The following TRIM22 variants were observed in gnomAD, a reference collection of about 807,000 sequenced individuals.
TRIM22 encodes tripartite motif containing 22, also known as E3 ubiquitin-protein ligase TRIM22.
A neutral mutation model predicts 53.6 loss-of-function variants in TRIM22; 45 were observed. That is an observed-to-expected ratio of 0.84 (90% CI 0.66 to 1.08). The LOEUF (loss-of-function observed/expected upper bound fraction) is 1.08, where lower values mean the gene tolerates loss of function less well. TRIM22 is among the 50% of genes least tolerant of loss of function. TRIM22 has a pLI of 0.00. For synonymous variants in TRIM22, 225 were observed against 216.6 expected (o/e 1.04, Z -0.34); for missense variants, 616 against 590.9 (o/e 1.04, Z -0.44).
At chr11:5,691,174 G>C (rs771259196) in intron 1 of TRIM22, 6 of 152,224 alleles carry the variant, frequency 3.9e-5, no homozygotes, top group African/African-American at 1.2e-4. Flanking sequence ...CTCAGACACC[G>C]AGGTAAAGAA....
At chr11:5,703,921 T>C (rs897314921) in intron 4 of TRIM22, among the ~76,000 whole-genome samples, 6 of 152,016 alleles carry the variant, frequency 3.9e-5, no homozygotes, top group Non-Finnish European at 7.4e-5. Flanking sequence ...ACCTGAGAAA[T>C]GCAAATCAAA....
intron 4 of TRIM22, among the ~76,000 whole-genome samples, chr11:5,702,173 T>A (rs1444846562): frequency 6.9e-6 from 1 of 145,570 alleles, no homozygotes. Flanking sequence ...ATATTACATA[T>A]ACATAACTAA....
chr11:5,703,809 G>A (rs1853414702), intron 4 of TRIM22, among the ~76,000 whole-genome samples: 1 of 151,856 alleles, frequency 6.6e-6, no homozygotes, highest in Non-Finnish European at 1.5e-5. Context: ...AGAAAACAAA[G>A]AACCCCATTA....
At chr11:5,691,022 C>T (rs921089534) in intron 1 of TRIM22, 2 of 152,222 alleles carry the variant, frequency 1.3e-5, no homozygotes, top group Admixed American at 6.5e-5. Flanking sequence ...GGAGAGAGGC[C>T]GCAGGACGGG....
chr11:5,698,229 A>T (rs1252851196), intron 3 of TRIM22, 86 bp from the exon 4 acceptor site: 2 of 1,097,522 alleles, frequency 1.8e-6, no homozygotes, highest in African/African-American at 3.1e-5. Context: ...CCTGAGGAAA[A>T]CTGTTCTTAT....
chr11:5,693,283 C>A (rs927628712), intron 1 of TRIM22, among the ~76,000 whole-genome samples: 3 of 151,020 alleles, frequency 2.0e-5, no homozygotes, highest in Non-Finnish European at 4.4e-5. Flanking sequence ...AGCTACGGAC[C>A]TAGTTAGCCT....
intron 3 of TRIM22, 113 bp from the exon 4 acceptor site, chr11:5,698,202 A>G: frequency 3.6e-6 from 3 of 837,650 alleles, no homozygotes; most frequent in South Asian, 3.3e-5. Context: ...TTTGCCTCCT[A>G]TTCCTTTTGA....
At chr11:5,703,396 T>A (rs1422696618) in intron 4 of TRIM22, among the ~76,000 whole-genome samples, 1 of 151,972 alleles carries the variant, frequency 6.6e-6, no homozygotes, top group African/African-American at 2.4e-5. Flanking sequence ...TTTTTTCTTT[T>A]TTTTTTTGAG....
chr11:5,692,478 C>G (rs1030709259), intron 1 of TRIM22, among the ~76,000 whole-genome samples: 1 of 152,176 alleles, frequency 6.6e-6, no homozygotes, highest in Non-Finnish European at 1.5e-5. Context: ...AGGGTCATTA[C>G]TTGGGGAAAA....
chr11:5,705,089 A>G (rs576821775), intron 4 of TRIM22, among the ~76,000 whole-genome samples: 1 of 152,234 alleles, frequency 6.6e-6, no homozygotes, highest in Non-Finnish European at 1.5e-5. Flanking sequence ...TGGTTAAAGT[A>G]GACAAAATTA....
At chr11:5,706,305 T>C (rs1055327042) in intron 4 of TRIM22, among the ~76,000 whole-genome samples, 1 of 152,152 alleles carries the variant, frequency 6.6e-6, no homozygotes. Context: ...ATTCCCACCA[T>C]ATCCAGGGAT....
chr11:5,692,693 G>A (rs747414529), intron 1 of TRIM22, among the ~76,000 whole-genome samples: 7 of 151,694 alleles, frequency 4.6e-5, no homozygotes, highest in Non-Finnish European at 8.8e-5. Flanking sequence ...TTGTGCCAAA[G>A]CCTAGCCAAA....
At chr11:5,702,804 T>C (rs1197462483) in intron 4 of TRIM22, among the ~76,000 whole-genome samples, 1 of 152,350 alleles carries the variant, frequency 6.6e-6, no homozygotes, top group East Asian at 1.9e-4. Flanking sequence ...TTCAGACATA[T>C]ACTCTTCTTC....
In TRIM22 at chr11:5,708,159, T is replaced by G. The variant is rs1285922368; in HGVS notation, c.774-14T>G. The G allele has an allele frequency of 1.3e-6, 2 of 1,599,892 alleles. No homozygotes were observed. Among genetic ancestry groups the G allele is most frequent in the African/African-American group, 2.7e-5 (2 of 74,632 alleles). On this transcript the variant is annotated splice_polypyrimidine_tract_variant and intron_variant, in intron 5 of 7. Coordinates refer to ENST00000379965, the MANE Select transcript of TRIM22 (RefSeq NM_006074.5). Reference sequence around the variant, plus strand: ...GGCAAAGGTGTAAAGGTTATCAATTTTTGTTATCACTAGGAGTGAAAGCTG... The same window carrying G: ...GGCAAAGGTGTAAAGGTTATCAATTGTTGTTATCACTAGGAGTGAAAGCTG...
Position 5,698,436 on chromosome 11 carries a change from A to T in TRIM22, c.641A>T (p.Asp214Val). The T allele has an allele frequency of 6.2e-7, 1 of 1,614,226 alleles. No individual in the cohort carries two copies. Among genetic ancestry groups the T allele is most frequent in the Non-Finnish European group, 8.5e-7 (1 of 1,180,040 alleles). ...GAGGAAGGTGAGGTGAATGTGCTGG[A>T]TAACCTGGCAGCAGCTACAGACCAG... ...KLEEGEVNVL[D>V]NLAAATDQLV... The change falls in exon 4 of 8, where the codon GAT (aspartate) becomes GTT (valine). Residue 214 changes from aspartate to valine, a missense_variant. By Grantham distance (152) the Asp-to-Val change is radical. Transcript: ENST00000379965.
chr11:5,698,895 G>A (rs966388483), intron 4 of TRIM22, among the ~76,000 whole-genome samples: 2 of 152,126 alleles, frequency 1.3e-5, no homozygotes, highest in Admixed American at 6.5e-5. Flanking sequence ...TCCACCTCCT[G>A]GCAGCCTATC....
chr11:5,696,720 A>C, intron 2 of TRIM22, 65 bp downstream of exon 2: 4 of 1,504,762 alleles, frequency 2.7e-6, no homozygotes, highest in Non-Finnish European at 2.7e-6. Flanking sequence ...TGAAATCTCC[A>C]CTTTTTTTGT....
At chr11:5,697,409 C>A in intron 3 of TRIM22, 66 bp downstream of exon 3, 1 of 1,127,892 alleles carries the variant, frequency 8.9e-7, no homozygotes, top group African/African-American at 1.6e-5. Flanking sequence ...GGCTCTATCA[C>A]AAGGAGACCC....
At chr11:5,701,234 G>A (rs1040588834) in intron 4 of TRIM22, among the ~76,000 whole-genome samples, 2 of 152,122 alleles carry the variant, frequency 1.3e-5, no homozygotes, top group African/African-American at 4.8e-5. Context: ...TTACAAAATA[G>A]TCCATCTCCT....
Sources: gnomAD v4.1 joint callset for allele counts (sites outside exome capture counted in the v4.1 genomes callset) on GRCh38, gnomAD v4.1.1 for gene constraint, MANE v1.5 for transcripts, NCBI Gene and HGNC (gene_info 2026-07-23, HGNC 2026-07-21) for gene names.